The following ODF2L variants were observed in gnomAD, a reference collection of about 807,000 sequenced individuals.
ODF2L encodes the protein protein BCAP.
ODF2L carries 76 observed loss-of-function variants against 86.3 expected under a neutral mutation model. The ratio of observed to expected loss-of-function variants is 0.88; its 90% CI spans 0.73 to 1.07. ODF2L has a LOEUF of 1.07. Ranked by LOEUF, ODF2L falls within the 50% of genes least tolerant of loss-of-function variation. The pLI, the probability that ODF2L is intolerant of heterozygous loss-of-function variation, is 0.00. For missense variants in ODF2L, 748 were observed against 717.4 expected, an observed-to-expected ratio of 1.04 and a Z score of -0.49; for synonymous variants, 241 against 231.3, an observed-to-expected ratio of 1.04 and a Z score of -0.38.
intron 3 of ODF2L, among the ~76,000 whole-genome samples, chr1:86,385,036 C>A (rs963148663): frequency 6.6e-6 from 1 of 151,768 alleles, no homozygotes; most frequent in African/African-American, 2.4e-5. Flanking sequence ...GGCTTTTATT[C>A]AAATAAAAGT....
downstream of ODF2L, chr1:86,348,795 ATTC>A: frequency 6.5e-7 from 1 of 1,546,674 alleles, no homozygotes; most frequent in Non-Finnish European, 8.7e-7. Context: ...ACTGTAAATA[ATTC>A]TTAATACTCT....
At chr1:86,360,365 G>A (rs1658940362) in intron 12 of ODF2L, 61 bp downstream of exon 11, 1 of 751,748 alleles carries the variant, frequency 1.3e-6, no homozygotes, top group Non-Finnish European at 2.3e-6. Flanking sequence ...AGATTACAAA[G>A]AAATAGTGTT....
intron 11 of ODF2L, chr1:86,360,825 G>C (rs1658982716): frequency 5.4e-6 from 1 of 186,712 alleles, no homozygotes; most frequent in Non-Finnish European, 1.1e-5. Flanking sequence ...AGAATACAGA[G>C]GTTACTGGAA....
chr1:86,365,358 T>C (rs1659328974), intron 11 of ODF2L, among the ~76,000 whole-genome samples: 1 of 152,156 alleles, frequency 6.6e-6, no homozygotes, highest in East Asian at 1.9e-4. Context: ...GGCACAGTAC[T>C]AGGCACTAGA....
chr1:86,393,367 T>A, intron 1 of ODF2L, among the ~76,000 whole-genome samples: 1 of 147,936 alleles, frequency 6.8e-6, no homozygotes. Flanking sequence ...AAACGTTTAC[T>A]AGAGAGGTAA....
chr1:86,364,270 A>G (rs933661609), intron 11 of ODF2L, among the ~76,000 whole-genome samples: 26 of 152,226 alleles, frequency 1.7e-4, no homozygotes, highest in African/African-American at 6.3e-4. Flanking sequence ...CATTCATTCA[A>G]TAAATATTCA....
At chr1:86,354,983 C>T (rs1658428873) in intron 14 of ODF2L, 124 bp from the exon 14 acceptor site, 2 of 587,678 alleles carry the variant, frequency 3.4e-6, no homozygotes, top group East Asian at 2.8e-5. Context: ...TACTCTTACA[C>T]AGAAAGACAC....
chr1:86,374,421 C>T (rs1189372212), intron 8 of ODF2L, among the ~76,000 whole-genome samples: 2 of 152,010 alleles, frequency 1.3e-5, no homozygotes, highest in Non-Finnish European at 2.9e-5. Context: ...ATGGAATCAC[C>T]TTCCTAGAGA....
At chr1:86,376,147 AT>A in intron 8 of ODF2L, 85 bp downstream of exon 8, 1 of 669,910 alleles carries the variant, frequency 1.5e-6, no homozygotes, top group East Asian at 2.8e-5. Flanking sequence ...AAAGAATAAA[AT>A]TACTATATTA....
At chr1:86,382,481 A>G in intron 6 of ODF2L, 123 bp from the exon 7 acceptor site, 2 of 1,487,108 alleles carry the variant, frequency 1.3e-6, no homozygotes, top group South Asian at 2.6e-5. Context: ...GCAAAGCACT[A>G]CTTTACATAA....
At chr1:86,369,174 A>C (rs1336467730) in intron 10 of ODF2L, among the ~76,000 whole-genome samples, 2 of 152,180 alleles carry the variant, frequency 1.3e-5, no homozygotes, top group Non-Finnish European at 2.9e-5. Context: ...TATTAAGAAA[A>C]CATGAGTAGT....
At chr1:86,393,989 A>G (rs541307143) in intron 1 of ODF2L, among the ~76,000 whole-genome samples, 2 of 152,326 alleles carry the variant, frequency 1.3e-5, no homozygotes, top group South Asian at 4.1e-4. Context: ...TCTAATCCCA[A>G]ATAAAGTCAC....
chr1:86,351,750 T>A (rs924310338), exon 18 of ODF2L: 5 of 230,106 alleles, frequency 2.2e-5, no homozygotes, highest in African/African-American at 1.2e-4. Flanking sequence ...CATTTGTTTG[T>A]GTCCTCTCTT....
intron 11 of ODF2L, among the ~76,000 whole-genome samples, chr1:86,367,331 T>G (rs1410887601): frequency 6.6e-6 from 1 of 152,078 alleles, no homozygotes; most frequent in Non-Finnish European, 1.5e-5. Flanking sequence ...GGAATATTAG[T>G]TGCAGATATA....
chr1:86,375,807 C>T (rs1296352521), intron 8 of ODF2L, among the ~76,000 whole-genome samples: 1 of 152,136 alleles, frequency 6.6e-6, no homozygotes, highest in Non-Finnish European at 1.5e-5. Context: ...AAAAGACTAG[C>T]TCTGTGGTTA....
chr1:86,383,247 T>TA (rs775652540), intron 4 of ODF2L, 51 bp from the exon 5 acceptor site: 8 of 944,544 alleles, frequency 8.5e-6, no homozygotes, highest in Non-Finnish European at 9.7e-6. Flanking sequence ...TTTCTCTATA[T>TA]AAAAAAGTAG....
Position 86,378,813 on chromosome 1 carries a change from A to C in ODF2L, c.625-2395T>G, listed in dbSNP as rs185903486. 1.5e-3 allele frequency among the ~76,000 whole-genome samples: 224 copies of C among 152,104 alleles called. 2 individuals are homozygous for C. Among genetic ancestry groups the C allele is most frequent in the Middle Eastern group, 6.8e-3 (2 of 294 alleles). On this transcript the variant is annotated intron_variant, in intron 7 of 17. Coordinates refer to ENST00000317336, the Ensembl canonical transcript of ODF2L. ...GACAGATGGGGATTCTGAAGATTACAATTCAAGATGAGATTTGGGTAGGGA... is the reference window on the plus strand; with the variant it reads ...GACAGATGGGGATTCTGAAGATTACCATTCAAGATGAGATTTGGGTAGGGA...
At chr1:86,385,012 C>A (rs1660848562) in intron 3 of ODF2L, among the ~76,000 whole-genome samples, 1 of 151,856 alleles carries the variant, frequency 6.6e-6, no homozygotes, top group South Asian at 2.1e-4. Context: ...AGCTTAGATT[C>A]TAAAAGCATT....
chr1:86,385,420 T>A (rs1323547247), intron 3 of ODF2L, 38 bp downstream of exon 3: 4 of 1,311,170 alleles, frequency 3.1e-6, no homozygotes, highest in Non-Finnish European at 4.3e-6. Context: ...AGTATTATAC[T>A]AGCTTTTCAT....
Sources: gnomAD v4.1 joint callset for allele counts (sites outside exome capture counted in the v4.1 genomes callset) on GRCh38, gnomAD v4.1.1 for gene constraint, MANE v1.5 for transcripts, NCBI Gene and HGNC (gene_info 2026-07-23, HGNC 2026-07-21) for gene names.